Variants in SUCO observed in about 807,000 individuals in gnomAD.
The protein encoded by SUCO is SUN domain-containing ossification factor.
In SUCO, 57 loss-of-function variants were observed where a neutral mutation model predicts 148.1. The ratio of observed to expected loss-of-function variants is 0.38; its 90% CI spans 0.31 to 0.48. SUCO has a LOEUF of 0.48. SUCO is among the 20% of genes least tolerant of loss of function. The pLI is 0.96. For missense variants in SUCO, 1,331 were observed against 1,468.2 expected, an observed-to-expected ratio of 0.91 and a Z score of 1.53; for synonymous variants, 470 against 502.7, an observed-to-expected ratio of 0.93 and a Z score of 0.87.
chr1:172,548,530 A>G (rs1653037081), intron 1 of SUCO, among the ~76,000 whole-genome samples: 3 of 152,018 alleles, frequency 2.0e-5, no homozygotes, highest in Non-Finnish European at 4.4e-5. Context: ...ATTCAGAAGC[A>G]TAGTTTTCCT....
At chr1:172,561,604 A>G (rs377482690) in intron 6 of SUCO, among the ~76,000 whole-genome samples, 3 of 152,212 alleles carry the variant, frequency 2.0e-5, no homozygotes, top group African/African-American at 7.2e-5. Flanking sequence ...TACACCCAAT[A>G]AGGACAAGAG....
At chr1:172,597,651 A>G (rs1657220527) in intron 19 of SUCO, among the ~76,000 whole-genome samples, 1 of 151,792 alleles carries the variant, frequency 6.6e-6, no homozygotes, top group African/African-American at 2.4e-5. Flanking sequence ...ATACAATAGG[A>G]CTGGTAATTA....
In SUCO at chr1:172,591,173, CT is replaced by C. The variant is rs548756901; in HGVS notation, c.2913+103del. On this transcript the variant is annotated intron_variant, in intron 19 of 23. Transcript: ENST00000263688. ...AGTATTGTAGTTTCACTTTTTCCCC[CT>C]GCTAGCTGGTGTTTAAGCCTGTTAT... 151 of 831,822 alleles carry C rather than the reference CT, an allele frequency of 1.8e-4. No homozygotes were observed. The African/African-American group carries it at 2.3e-3, about 12-fold the overall frequency. The allele number at this position is 831,822 out of a possible 1,614,324, so 51.5% of individuals were successfully genotyped here.
At chr1:172,582,450 T>G (rs1226118513) in intron 15 of SUCO, among the ~76,000 whole-genome samples, 1 of 152,134 alleles carries the variant, frequency 6.6e-6, no homozygotes, top group African/African-American at 2.4e-5. Flanking sequence ...ATGGAGATAT[T>G]TGGTCTTTAG....
At chr1:172,599,493 A>T (rs968884999) in intron 19 of SUCO, 13 of 615,854 alleles carry the variant, frequency 2.1e-5, no homozygotes, top group Non-Finnish European at 2.4e-5. Flanking sequence ...CCTAAAACAG[A>T]TGGAAAGATA....
At position 172,533,289 on chromosome 1, in the gene SUCO, C is replaced by T. The variant is rs1165467863; in HGVS notation, c.-147C>T. ...GAGAGGGCTGCCAGGACGCGAGCCA[C>T]TGAGGAGCCGCTCAGCCAGCGCCAT... On this transcript the variant is annotated 5_prime_UTR_variant, in exon 1 of 24. Transcript: ENST00000263688. The T allele has an allele frequency of 4.5e-6, 7 of 1,549,970 alleles. No homozygotes were observed. In the Admixed American group the frequency reaches 5.9e-5, roughly 13 times the overall value.
At position 172,557,035 on chromosome 1, in the gene SUCO, A is replaced by G. The variant is rs1385143994; in HGVS notation, c.444-245A>G. 14 of 969,070 alleles carry G rather than the reference A, an allele frequency of 1.4e-5. No individual in the cohort carries two copies. In the East Asian group the frequency reaches 1.4e-3, roughly 95 times the overall value. 60.0% of individuals were successfully genotyped at this position (969,070 alleles called of 1,614,324 possible). On this transcript the variant is annotated intron_variant, in intron 4 of 23. Coordinates refer to ENST00000263688, the MANE Select transcript of SUCO (RefSeq NM_014283.5). ...ATGGAAATTAAACTTTAGAGAAGATACATTGAGAATAAGTAATTTTTAAAA... is the reference window on the plus strand; with the variant it reads ...ATGGAAATTAAACTTTAGAGAAGATGCATTGAGAATAAGTAATTTTTAAAA...
intron 1 of SUCO, among the ~76,000 whole-genome samples, chr1:172,548,779 T>C (rs746431123): frequency 6.6e-6 from 1 of 152,028 alleles, no homozygotes; most frequent in Non-Finnish European, 1.5e-5. Context: ...TTTAGTTTAC[T>C]ATCGGTATTT....
intron 22 of SUCO, among the ~76,000 whole-genome samples, chr1:172,605,292 T>A (rs889123811): frequency 6.6e-6 from 1 of 151,862 alleles, no homozygotes; most frequent in Non-Finnish European, 1.5e-5. Context: ...CTTCCAAGAC[T>A]TTTATAGATT....
intron 22 of SUCO, among the ~76,000 whole-genome samples, chr1:172,605,745 C>T (rs994072146): frequency 6.6e-6 from 1 of 151,662 alleles, no homozygotes; most frequent in South Asian, 2.1e-4. Context: ...AATACAGGTA[C>T]GTATACTGAG....
At chr1:172,608,166 C>T in intron 22 of SUCO, 1 of 787,278 alleles carries the variant, frequency 1.3e-6, no homozygotes, top group Non-Finnish European at 1.5e-6. Context: ...TTCATTATTG[C>T]TTAGTGATAT....
At chr1:172,550,722 A>G (rs1020547401) in intron 1 of SUCO, 5 of 174,196 alleles carry the variant, frequency 2.9e-5, no homozygotes, top group African/African-American at 4.8e-5. Flanking sequence ...TATGTATTAC[A>G]TATGTATTTT....
intron 8 of SUCO, 85 bp from the exon 9 acceptor site, chr1:172,570,578 A>G: frequency 1.1e-6 from 1 of 872,750 alleles, no homozygotes; most frequent in Non-Finnish European, 1.8e-6. Context: ...AAAAATACAG[A>G]AGTCCCAGAA....
chr1:172,567,626 TA>T (rs1389136475), intron 6 of SUCO, among the ~76,000 whole-genome samples: 1 of 152,220 alleles, frequency 6.6e-6, no homozygotes, highest in Non-Finnish European at 1.5e-5. Context: ...ATTCCTCATT[TA>T]ATGGATATTT....
At chr1:172,541,794 T>G in intron 1 of SUCO, 1 of 928,510 alleles carries the variant, frequency 1.1e-6, no homozygotes, top group Non-Finnish European at 1.3e-6. Flanking sequence ...ACAAAGTAAC[T>G]GCTTTCTTGG....
intron 1 of SUCO, among the ~76,000 whole-genome samples, chr1:172,541,344 T>C (rs1652441618): frequency 6.6e-6 from 1 of 152,218 alleles, no homozygotes; most frequent in Admixed American, 6.5e-5. Flanking sequence ...TAGATATTTA[T>C]ATGGGAGGAT....
intron 11 of SUCO, chr1:172,576,774 C>T (rs1235468855): frequency 4.9e-6 from 2 of 409,304 alleles, no homozygotes; most frequent in Non-Finnish European, 6.6e-6. Context: ...TTATAAAAAA[C>T]CTTCTTTGGT....
chr1:172,588,197 T>G, intron 17 of SUCO: 1 of 985,362 alleles, frequency 1.0e-6, no homozygotes, highest in Non-Finnish European at 1.2e-6. Context: ...TGTTTAATGC[T>G]GTATTGGAGT....
intron 6 of SUCO, among the ~76,000 whole-genome samples, chr1:172,567,804 T>A (rs554285478): frequency 2.5e-4 from 38 of 152,342 alleles, no homozygotes; most frequent in African/African-American, 8.7e-4. Flanking sequence ...TAGATTTCTC[T>A]TGGCTCAACA....
Sources: gnomAD v4.1 joint callset for allele counts (sites outside exome capture counted in the v4.1 genomes callset) on GRCh38, gnomAD v4.1.1 for gene constraint, MANE v1.5 for transcripts, NCBI Gene and HGNC (gene_info 2026-07-23, HGNC 2026-07-21) for gene names.